The following DGKQ variants were observed in gnomAD, a reference collection of about 807,000 sequenced individuals.
The protein encoded by DGKQ is DAG kinase theta.
DGKQ carries 97 observed loss-of-function variants against 104.2 expected under a neutral mutation model. That is an observed-to-expected ratio of 0.93 (90% CI 0.79 to 1.10). DGKQ has a LOEUF of 1.10. Among genes scored for constraint, DGKQ ranks in the 50% least tolerant of loss-of-function variants. The pLI is 0.00. For missense variants in DGKQ, 1,465 were observed against 1,352.1 expected (o/e 1.08, Z -1.31); for synonymous variants, 736 against 595.2 (o/e 1.24, Z -3.44).
chr4:971,715 G>A lies in DGKQ; in HGVS notation c.272-643C>T, dbSNP rs1462049234. 6.6e-6 allele frequency among the ~76,000 whole-genome samples: 1 copy of A among 152,174 alleles called. No homozygotes were observed. Among genetic ancestry groups the A allele is most frequent in the African/African-American group, 2.4e-5 (1 of 41,450 alleles). On this transcript the variant is annotated intron_variant, in intron 1 of 22. Coordinates refer to ENST00000273814, the MANE Select transcript of DGKQ (RefSeq NM_001347.4). This position sits in a 1 kb window ranked among gnomAD's most constrained non-coding sequence, Gnocchi z 4.0. ...CCACACCCCAGCAGTAAAACAGACA[G>A]GAGGGTGGGGCCGGGGCAGAAGGGA...
intron 22 of DGKQ, 99 bp downstream of exon 22, chr4:960,950 C>T: frequency 1.3e-6 from 2 of 1,544,636 alleles, no homozygotes; most frequent in South Asian, 1.2e-5. Flanking sequence ...TCCCTGGCCG[C>T]AGCCGGCCAT....
rs1711656194 is a variant in DGKQ, at chr4:958,991, C to G, written c.*1629G>C. 1 of 160,630 alleles carries G rather than the reference C, an allele frequency of 6.2e-6. No homozygotes were observed. Among genetic ancestry groups the G allele is most frequent in the African/African-American group, 2.4e-5 (1 of 41,584 alleles). The allele number at this position is 160,630 out of a possible 1,614,324, so 10.0% of individuals were successfully genotyped here. ...CCGGTGTGCAGGGCACAGACCCCAC[C>G]TGGGTACAGACTCACATACAGGACA... is the stretch of plus-strand genomic sequence containing the variant. On this transcript the variant is annotated 3_prime_UTR_variant, in exon 23 of 23. Coordinates refer to ENST00000273814, the MANE Select transcript of DGKQ (RefSeq NM_001347.4).
In DGKQ at chr4:961,143, CG is replaced by C. The variant is rs1560510031; in HGVS notation, c.2632del (p.Arg878GlufsTer24). On this transcript the variant is annotated frameshift_variant, in exon 22 of 23. Transcript: ENST00000273814. LOFTEE classifies it high-confidence loss of function. ...CGGGGTGGCCTTGAGGAGCGTGACT[CG>C]GAAGTAGGAACCCTGGGCAATCCGG... ...GIRIAQGSYF[R>X]VTLLKATPVQ... 1.9e-6 allele frequency: 3 copies of C among 1,606,258 alleles called. No individual in the cohort carries two copies. Among genetic ancestry groups the C allele is most frequent in the East Asian group, 4.5e-5 (2 of 44,628 alleles).
rs1560521394 is a variant in DGKQ, at chr4:970,891, G to GT, written c.351+101dup. On this transcript the variant is annotated intron_variant, in intron 2 of 22. Transcript: ENST00000273814. ...TCTGCCCTTTGCCTTTCAACTGCAG[G>GT]TATCACTAACGTCTGACATGAAGGT... The GT allele has an allele frequency of 4.7e-6, 4 of 843,626 alleles. No homozygotes were observed. In the East Asian group the frequency reaches 8.2e-5, roughly 17 times the overall value. 52.3% of individuals were successfully genotyped at this position (843,626 alleles called of 1,614,324 possible). A position where few individuals can be genotyped will look rare whatever the true frequency, so the allele number is the denominator to read the frequency against.
rs1402437281 is a variant in DGKQ, at chr4:965,313, CA to C, written c.1619-23del. On this transcript the variant is annotated intron_variant, in intron 14 of 22. Coordinates refer to ENST00000273814, the MANE Select transcript of DGKQ (RefSeq NM_001347.4). Reference sequence around the variant, plus strand: ...GCGCCTGCGGCAGGAGCCCAGGACTCAGGGGGAGCCTGTCCCATGGCCCCCA... The same window carrying C: ...GCGCCTGCGGCAGGAGCCCAGGACTCGGGGGAGCCTGTCCCATGGCCCCCA... 6 of 1,606,806 alleles carry C rather than the reference CA, an allele frequency of 3.7e-6. No homozygotes were observed. In the Admixed American group the frequency reaches 5.0e-5, roughly 13 times the overall value.
chr4:966,110 G>A, intron 12 of DGKQ, 32 bp from the exon 13 acceptor site: 1 of 1,569,270 alleles, frequency 6.4e-7, no homozygotes, highest in South Asian at 1.2e-5. Context: ...TGCTGGGCCG[G>A]GGAGAACGGC....
intron 16 of DGKQ, 24 bp from the exon 17 acceptor site, chr4:962,944 T>C: frequency 5.0e-6 from 8 of 1,597,768 alleles, no homozygotes; most frequent in Non-Finnish European, 6.8e-6. Context: ...GGAAGTGTCC[T>C]CTACCAGCTG....
Position 967,334 on chromosome 4 carries a change from G to T in DGKQ, c.1015C>A (p.Pro339Thr), listed in dbSNP as rs200155030. The T allele has an allele frequency of 2.2e-3, 3,378 of 1,537,294 alleles. 8 individuals carry two copies. Among genetic ancestry groups the T allele is most frequent in the Non-Finnish European group, 2.7e-3 (3,112 of 1,146,940 alleles). ...AGCTCCAGGTGGCCAGGGTCCTCGG[G>T]GATGTGGTGGGCCCGCAGTGCGGCC... is the stretch of plus-strand genomic sequence containing the variant. Reference protein sequence around the residue: ...LEAALRAHHIPEDPGHLELCR... With the variant: ...LEAALRAHHITEDPGHLELCR... The change falls in exon 9 of 23, where the codon CCC (proline) becomes ACC (threonine). Residue 339 changes from proline (P) to threonine (T), a missense_variant. Physicochemically the swap from Pro to Thr is conservative, Grantham distance 38 (BLOSUM62 -1). Coordinates refer to ENST00000273814, the MANE Select transcript of DGKQ (RefSeq NM_001347.4).
At chr4:967,844 C>T (rs1343326551) in intron 6 of DGKQ, 36 bp downstream of exon 6, 1 of 1,524,816 alleles carries the variant, frequency 6.6e-7, no homozygotes, top group Non-Finnish European at 8.8e-7. Flanking sequence ...GTGCGCAGCC[C>T]CCAGCCCAGG....
At chr4:970,126 G>C (rs1028922260) in intron 2 of DGKQ, among the ~76,000 whole-genome samples, 5 of 152,222 alleles carry the variant, frequency 3.3e-5, no homozygotes, top group African/African-American at 1.2e-4. Flanking sequence ...GCTCACACCC[G>C]GGGAACTGCA....
chr4:966,817 C>T lies in DGKQ; in HGVS notation c.1312-15G>A, dbSNP rs765895198. On this transcript the variant is annotated splice_polypyrimidine_tract_variant and intron_variant, in intron 10 of 22. Transcript: ENST00000273814. ...GGACTCTCGGCCTGTTGGGGTAGAGCTTGGCATCGGGTCTGGGCAGGCCCC... is the reference window on the plus strand; with the variant it reads ...GGACTCTCGGCCTGTTGGGGTAGAGTTTGGCATCGGGTCTGGGCAGGCCCC... 6.8e-6 allele frequency: 11 copies of T among 1,606,732 alleles called. No homozygotes were observed. Among genetic ancestry groups the T allele is most frequent in the Non-Finnish European group, 9.3e-6 (11 of 1,177,222 alleles).
At position 963,285 on chromosome 4, in the gene DGKQ, C is replaced by T. The variant is rs368255631; in HGVS notation, c.1740G>A (p.Ala580=). The part of the protein sequence containing the change: ...TALVLPDLLH[A]KLPPDSCPLL... ...GGGGACAGCTGTCTGGGGGCAGCTT[C>T]GCGTGCTGACAGACAGGGGGCTGGG... Residue 580 remains alanine (A), a synonymous_variant, in exon 16 of 23, where the codon GCG becomes GCA. Transcript: ENST00000273814. 111 of 1,599,964 alleles carry T rather than the reference C, an allele frequency of 6.9e-5. 1 individual carries two copies. The Middle Eastern group carries it at 2.0e-3, about 29-fold the overall frequency.
chr4:961,877 C>T (rs1268787900), intron 19 of DGKQ, 43 bp from the exon 20 acceptor site: 9 of 1,596,074 alleles, frequency 5.6e-6, no homozygotes, highest in East Asian at 2.2e-5. Context: ...GGAAGCCCTA[C>T]CCCGCCTTAG....
intron 3 of DGKQ, 107 bp downstream of exon 3, chr4:968,704 T>C: frequency 7.4e-7 from 1 of 1,359,698 alleles, no homozygotes; most frequent in Non-Finnish European, 1.0e-6. Context: ...GGCCAGCCCT[T>C]GGCCTCCCCC....
Position 971,518 on chromosome 4 carries a change from G to A in DGKQ, c.272-446C>T, listed in dbSNP as rs1439412368. On this transcript the variant is annotated intron_variant, in intron 1 of 22. Coordinates refer to ENST00000273814, the MANE Select transcript of DGKQ (RefSeq NM_001347.4). This position sits in a 1 kb window ranked among gnomAD's most constrained non-coding sequence, Gnocchi z 4.0. ...CCCCTAATTGTCCCTGCTACGTGCT[G>A]TGCACCGTGCCTGAGACCGAGAGCC... Among the ~76,000 whole-genome samples, 1 of 152,182 alleles carries A rather than the reference G, an allele frequency of 6.6e-6. No homozygotes were observed. Among genetic ancestry groups the A allele is most frequent in the Non-Finnish European group, 1.5e-5 (1 of 68,024 alleles).
At position 967,768 on chromosome 4, in the gene DGKQ, G is replaced by A. The variant is rs1285283120; in HGVS notation, c.846C>T (p.Ala282=). The change falls in exon 7 of 23, where the codon GCC becomes GCT. Residue 282 remains alanine, a synonymous_variant. Transcript: ENST00000273814. ...EGGDGADGSA[A]VGPGRETQAT... ...CCTGTGTCTCTCTGCCTGGACCCAC[G>A]GCAGCGCTCCCGTCGGCGCCGTCGC... 5.0e-6 allele frequency: 8 copies of A among 1,608,390 alleles called. No individual in the cohort carries two copies. Among genetic ancestry groups the A allele is most frequent in the African/African-American group, 1.3e-5 (1 of 74,830 alleles).
In DGKQ at chr4:962,420, C is replaced by T. The variant is rs761321140; in HGVS notation, c.2214+15G>A. The T allele has an allele frequency of 2.7e-5, 42 of 1,544,522 alleles. No individual in the cohort carries two copies. The highest frequency in any genetic ancestry group is 3.5e-5 in the Non-Finnish European group (40 of 1,148,328). ...CAGGAGCCTGGAAGGCACCCCACGC[C>T]GGGCTGCCCTGTACCTTGGGGGGCT... On this transcript the variant is annotated intron_variant, in intron 18 of 22. Coordinates refer to ENST00000273814, the MANE Select transcript of DGKQ (RefSeq NM_001347.4).
intron 19 of DGKQ, 52 bp downstream of exon 19, chr4:961,930 G>C: frequency 6.2e-7 from 1 of 1,609,454 alleles, no homozygotes; most frequent in Non-Finnish European, 8.5e-7. Flanking sequence ...CCTGCTGGGG[G>C]ACCTGAGGGA....
chr4:964,449 C>T (rs919513321), intron 15 of DGKQ, among the ~76,000 whole-genome samples: 19 of 152,142 alleles, frequency 1.2e-4, no homozygotes, highest in Non-Finnish European at 1.9e-4. Context: ...CGGTGTGCAG[C>T]GTGGAGTCCC....
Sources: gnomAD v4.1 joint callset for allele counts (sites outside exome capture counted in the v4.1 genomes callset) on GRCh38, gnomAD v4.1.1 for gene constraint, Gnocchi (gnomAD v3.1) non-coding constraint, MANE v1.5 for transcripts, NCBI Gene and HGNC (gene_info 2026-07-23, HGNC 2026-07-21) for gene names.